The following CD109 variants were observed in gnomAD, a reference collection of about 807,000 sequenced individuals.
CD109 encodes CD109 antigen.
A neutral mutation model predicts 165.8 loss-of-function variants in CD109; 149 were observed. That is an observed-to-expected ratio of 0.90 (90% CI 0.79 to 1.03). CD109 has a LOEUF of 1.03. Among genes scored for constraint, CD109 ranks in the 50% least tolerant of loss-of-function variants. CD109 has a pLI of 0.00. For synonymous variants in CD109, 585 were observed against 592.1 expected, an observed-to-expected ratio of 0.99 and a Z score of 0.18; for missense variants, 1,712 against 1,677.8, an observed-to-expected ratio of 1.02 and a Z score of -0.36.
rs1367049316 is a variant in CD109 at position 73,815,044 on chromosome 6, CA to C, written c.3834del (p.Glu1279LysfsTer5). The C allele has an allele frequency of 6.3e-7, 1 of 1,587,280 alleles. No homozygotes were observed. The highest frequency in any genetic ancestry group is 8.5e-7 in the Non-Finnish European group (1 of 1,171,044). ...SSRRRRSIQN[Q>X]EAFDLDVAVK... ...TAGAAGACGAAGATCTATCCAAAAT[CA>C]AGAAGCCTTTGATTTAGATGTTGCT... is the stretch of plus-strand genomic sequence containing the variant. On this transcript the variant is annotated frameshift_variant, in exon 30 of 33. Coordinates refer to ENST00000287097, the MANE Select transcript of CD109 (RefSeq NM_133493.5). LOFTEE classifies it high-confidence loss of function.
At chr6:73,732,025 C>T (rs531187375) in intron 4 of CD109, among the ~76,000 whole-genome samples, 27 of 152,114 alleles carry the variant, frequency 1.8e-4, no homozygotes, top group Non-Finnish European at 3.8e-4. Context: ...CAACTGAGAT[C>T]CAGCTGGGCC....
intron 2 of CD109, among the ~76,000 whole-genome samples, chr6:73,719,085 T>G (rs558163386): frequency 6.6e-6 from 1 of 152,364 alleles, no homozygotes; most frequent in African/African-American, 2.4e-5. Flanking sequence ...TTAATCACTA[T>G]AAAATTATTG....
intron 22 of CD109, among the ~76,000 whole-genome samples, chr6:73,791,595 T>G (rs1014195476): frequency 6.6e-6 from 1 of 152,098 alleles, no homozygotes; most frequent in African/African-American, 2.4e-5. Context: ...TTTTTATGCT[T>G]GATGTAAAGA....
Position 73,822,421 on chromosome 6 carries a change from T to C in CD109, c.4163-1037T>C, listed in dbSNP as rs1277032309. Among the ~76,000 whole-genome samples the C allele has an allele frequency of 4.6e-5, 7 of 152,330 alleles. No homozygotes were observed. The East Asian group carries it at 1.3e-3, about 29-fold the overall frequency. ...AGGTGTAGCACCAGTTCTCTCCTCA[T>C]AGTCAACAAGCCAGTTCCTCTTGTC... On this transcript the variant is annotated intron_variant, in intron 32 of 32. Transcript: ENST00000287097.
chr6:73,703,824 T>C (rs1771164693), intron 2 of CD109, among the ~76,000 whole-genome samples: 2 of 152,178 alleles, frequency 1.3e-5, no homozygotes, highest in Admixed American at 6.5e-5. Flanking sequence ...GTTGCTTTGT[T>C]TCTCAGAGTC....
At chr6:73,709,079 C>A (rs1771421160) in intron 2 of CD109, among the ~76,000 whole-genome samples, 1 of 152,154 alleles carries the variant, frequency 6.6e-6, no homozygotes, top group Non-Finnish European at 1.5e-5. Flanking sequence ...CTTCCCCATG[C>A]CTGTGTCCTG....
intron 24 of CD109, chr6:73,803,997 G>A (rs796777904): frequency 6.6e-6 from 1 of 152,292 alleles, no homozygotes; most frequent in Non-Finnish European, 1.5e-5. Flanking sequence ...ACGTGTCCAC[G>A]TCTCCAAAAG....
chr6:73,808,046 C>T, intron 25 of CD109, 37 bp from the exon 26 acceptor site: 1 of 1,593,090 alleles, frequency 6.3e-7, no homozygotes, highest in Non-Finnish European at 8.6e-7. Context: ...TAATGGGTTA[C>T]TCTGAATAGT....
At chr6:73,791,134 T>TAAACACACAC in intron 22 of CD109, among the ~76,000 whole-genome samples, 1 of 77,068 alleles carries the variant, frequency 1.3e-5, no homozygotes. Flanking sequence ...TATACATACA[T>TAAACACACAC]ACATATATAT....
In CD109 at chr6:73,771,579, A is replaced by G. The variant is rs996483455; in HGVS notation, c.1825A>G (p.Asn609Asp). 2.6e-6 allele frequency: 4 copies of G among 1,550,520 alleles called. No individual in the cohort carries two copies. The African/African-American group carries it at 5.6e-5, about 22-fold the overall frequency. ...TGCCTCTAATGATATTACAATGGAA[A>G]ATGTGAGTTTAGCTATTTTTTCATT... ...MNASNDITMENVVHELELYNT... is the reference protein window; with the variant it reads ...MNASNDITMEDVVHELELYNT... Residue 609 changes from asparagine (N) to aspartate (D), a missense_variant and splice_region_variant, in exon 15 of 33, where the codon AAT becomes GAT. By Grantham distance (23) the Asn-to-Asp change is conservative (BLOSUM62 1). Coordinates refer to ENST00000287097, the MANE Select transcript of CD109 (RefSeq NM_133493.5).
At position 73,724,618 on chromosome 6, in the gene CD109, T is replaced by C. The variant is rs1306036349; in HGVS notation, c.276+1339T>C. ...AGGTTCGCTCATTACCTTAAATTTT[T>C]TTTTTTTTTTTTTTGAGACAGGTCT... On this transcript the variant is annotated intron_variant, in intron 3 of 32. Transcript: ENST00000287097. Among the ~76,000 whole-genome samples the C allele has an allele frequency of 2.0e-5, 3 of 151,346 alleles. No individual in the cohort carries two copies. In the East Asian group the frequency reaches 5.8e-4, roughly 30 times the overall value.
At chr6:73,760,582 G>A (rs1773582825) in intron 7 of CD109, among the ~76,000 whole-genome samples, 1 of 151,328 alleles carries the variant, frequency 6.6e-6, no homozygotes, top group Non-Finnish European at 1.5e-5. Context: ...GAGGTGGCTC[G>A]TGCCTATAAT....
intron 4 of CD109, among the ~76,000 whole-genome samples, chr6:73,734,749 C>T (rs1772484053): frequency 6.6e-6 from 1 of 152,218 alleles, no homozygotes; most frequent in African/African-American, 2.4e-5. Context: ...AGAGAGGTTT[C>T]TTCTGTTCTA....
chr6:73,778,790 T>C (rs1459696177), intron 15 of CD109, among the ~76,000 whole-genome samples: 6 of 152,206 alleles, frequency 3.9e-5, no homozygotes, highest in Non-Finnish European at 1.5e-5. Flanking sequence ...GAATGTGTTT[T>C]TTTCAACTTA....
chr6:73,773,593 A>G (rs1774127139), intron 15 of CD109, among the ~76,000 whole-genome samples: 1 of 152,126 alleles, frequency 6.6e-6, no homozygotes, highest in African/African-American at 2.4e-5. Context: ...GTTAGTTACA[A>G]ACTGTACCCA....
intron 10 of CD109, among the ~76,000 whole-genome samples, chr6:73,764,724 A>C (rs769999570): frequency 6.6e-6 from 1 of 151,888 alleles, no homozygotes; most frequent in African/African-American, 2.4e-5. Flanking sequence ...GCTGAGGCAG[A>C]AGAATCGCTT....
chr6:73,815,631 A>C (rs1390381776), intron 30 of CD109, among the ~76,000 whole-genome samples: 1 of 152,154 alleles, frequency 6.6e-6, no homozygotes, highest in Non-Finnish European at 1.5e-5. Flanking sequence ...TTAGACACTT[A>C]ACAGCTGAAG....
intron 23 of CD109, among the ~76,000 whole-genome samples, chr6:73,800,138 G>A (rs911009641): frequency 6.6e-6 from 1 of 152,094 alleles, no homozygotes. Flanking sequence ...CTTGGCAATA[G>A]GTGAACCTTG....
In CD109 at chr6:73,787,440, G is replaced by C. The variant is rs527475108; in HGVS notation, c.2544G>C (p.Met848Ile). 2 of 1,609,268 alleles carry C rather than the reference G, an allele frequency of 1.2e-6. No homozygotes were observed. The highest frequency in any genetic ancestry group is 4.5e-5 in the East Asian group (2 of 44,850). ...CTGCTTCTGATGCTGTCACCCAGAT[G>C]ATTTTAGTAAAGGTAAATATTTGAT... ...SPTASDAVTQ[M>I]ILVKAEGIEK... is the part of the protein sequence containing the mutation. The change falls in exon 21 of 33, where the codon ATG becomes ATC. Residue 848 changes from methionine (M) to isoleucine (I), a missense_variant. Coordinates refer to ENST00000287097, the MANE Select transcript of CD109 (RefSeq NM_133493.5).
Sources: gnomAD v4.1 joint callset for allele counts (sites outside exome capture counted in the v4.1 genomes callset) on GRCh38, gnomAD v4.1.1 for gene constraint, MANE v1.5 for transcripts, NCBI Gene and HGNC (gene_info 2026-07-23, HGNC 2026-07-21) for gene names.